The following SWAP70 variants were observed in gnomAD, a reference collection of about 807,000 sequenced individuals.
SWAP70 encodes the protein switching B cell complex subunit SWAP70.
A neutral mutation model predicts 80.2 loss-of-function variants in SWAP70; 34 were observed. The ratio of observed to expected loss-of-function variants is 0.42; its 90% CI spans 0.32 to 0.56. The LOEUF (loss-of-function observed/expected upper bound fraction) is 0.56, where lower values mean the gene tolerates loss of function less well. Ranked by LOEUF, SWAP70 falls within the 20% of genes least tolerant of loss-of-function variation. The probability of loss-of-function intolerance (pLI) is 0.09; values close to 1 mark genes in which losing one functional copy is unlikely to be tolerated. For synonymous variants in SWAP70, 239 were observed against 238.5 expected (o/e 1.00, Z -0.02); for missense variants, 578 against 690.7 (o/e 0.84, Z 1.83).
At chr11:9,690,585 CA>C (rs888634505) in intron 1 of SWAP70, among the ~76,000 whole-genome samples, 1 of 151,808 alleles carries the variant, frequency 6.6e-6, no homozygotes, top group Non-Finnish European at 1.5e-5. Context: ...AAAAAACAAA[CA>C]AACAAAAAAC....
intron 1 of SWAP70, among the ~76,000 whole-genome samples, chr11:9,673,375 A>G (rs983971196): frequency 9.2e-5 from 14 of 152,178 alleles, no homozygotes; most frequent in African/African-American, 3.1e-4. Flanking sequence ...AGGAACTTCT[A>G]TCCTCATGGA....
chr11:9,676,173 A>G (rs911653039), intron 1 of SWAP70, among the ~76,000 whole-genome samples: 5 of 152,176 alleles, frequency 3.3e-5, no homozygotes, highest in Admixed American at 1.3e-4. Flanking sequence ...ATAGTTTAAG[A>G]CTGTATTATC....
chr11:9,713,814 A>G (rs1251083576), intron 3 of SWAP70, among the ~76,000 whole-genome samples, 175 bp downstream of exon 3: 1 of 152,232 alleles, frequency 6.6e-6, no homozygotes, highest in Non-Finnish European at 1.5e-5. Context: ...AATTTGGGGC[A>G]TGTAATACCC....
chr11:9,690,323 T>C (rs957765851), intron 1 of SWAP70, among the ~76,000 whole-genome samples: 1 of 152,174 alleles, frequency 6.6e-6, no homozygotes. Context: ...CGTTCACGCC[T>C]CTAATCCCAG....
chr11:9,749,167 T>G lies in SWAP70; in HGVS notation c.1635T>G (p.Ile545Met). Reference sequence around the variant, plus strand: ...AAGTGGCCCATCATGAAGGATTAATTCGACTGATAGAACCAGGTAACAGAC... The same window carrying G: ...AAGTGGCCCATCATGAAGGATTAATGCGACTGATAGAACCAGGTAACAGAC... Reference protein sequence around the residue: ...KDKVAHHEGLIRLIEPGSKNP... With the variant: ...KDKVAHHEGLMRLIEPGSKNP... The change falls in exon 11 of 12, where the codon ATT becomes ATG. Residue 545 changes from isoleucine (I) to methionine (M), a missense_variant. Ile to Met is a conservative substitution (Grantham distance 10, BLOSUM62 1). Transcript: ENST00000318950. 13 of 1,609,328 alleles carry G rather than the reference T, an allele frequency of 8.1e-6. No homozygotes were observed. The highest frequency in any genetic ancestry group is 1.1e-5 in the Non-Finnish European group (13 of 1,176,846).
At chr11:9,731,945 ATGT>A (rs1221251358) in intron 6 of SWAP70, among the ~76,000 whole-genome samples, 1 of 152,238 alleles carries the variant, frequency 6.6e-6, no homozygotes, top group African/African-American at 2.4e-5. Flanking sequence ...GAAAAATCAG[ATGT>A]TGTATAACAG....
chr11:9,738,215 A>C lies in SWAP70; in HGVS notation c.1083A>C (p.Lys361Asn). Residue 361 changes from lysine to asparagine, a missense_variant and splice_region_variant, in exon 8 of 12, where the codon AAA becomes AAC. Lys to Asn is a moderately conservative substitution (Grantham distance 94). Transcript: ENST00000318950. ...KQQELEAVRK[K>N]LEEAASRAAE... is the part of the protein sequence containing the mutation. ...TGGATGGGTTTTTGATTGGCTAGAA[A>C]CTGGAGGAAGCAGCATCTCGTGCAG... The C allele has an allele frequency of 6.2e-7, 1 of 1,605,330 alleles. No homozygotes were observed. Among genetic ancestry groups the C allele is most frequent in the Non-Finnish European group, 8.5e-7 (1 of 1,176,296 alleles).
chr11:9,708,187 T>G (rs1276164092), intron 2 of SWAP70, among the ~76,000 whole-genome samples: 4 of 152,208 alleles, frequency 2.6e-5, no homozygotes, highest in Admixed American at 6.5e-5. Context: ...CATATGGTAG[T>G]TCTATTTTTA....
intron 9 of SWAP70, chr11:9,740,700 G>A: frequency 3.1e-6 from 1 of 322,268 alleles, no homozygotes; most frequent in Non-Finnish European, 6.0e-6. Flanking sequence ...GACCAGAGAG[G>A]GCCATTGGTA....
chr11:9,672,627 A>G (rs1195435078), intron 1 of SWAP70, among the ~76,000 whole-genome samples: 1 of 145,630 alleles, frequency 6.9e-6, no homozygotes, highest in Admixed American at 7.2e-5. Flanking sequence ...ATCCACCTAC[A>G]AGTGTTAGGA....
intron 3 of SWAP70, 33 bp downstream of exon 3, chr11:9,713,672 C>T (rs752189563): frequency 1.9e-6 from 3 of 1,586,204 alleles, no homozygotes; most frequent in Admixed American, 1.8e-5. Context: ...TTTACTTGGT[C>T]ATTTTAGCAT....
chr11:9,716,208 G>A (rs56235379), intron 3 of SWAP70, among the ~76,000 whole-genome samples: 26,758 of 152,148 alleles, frequency 0.18, 3,035 homozygotes, highest in Non-Finnish European at 0.25. Context: ...GAGGAAGAGA[G>A]TGATAGGTGA....
intron 9 of SWAP70, 160 bp downstream of exon 9, chr11:9,740,507 A>T (rs938455661): frequency 2.7e-6 from 2 of 746,990 alleles, no homozygotes; most frequent in Admixed American, 4.3e-5. Flanking sequence ...TGGAGACTCG[A>T]CCGGCTGGAG....
At chr11:9,673,845 G>T (rs553982754) in intron 1 of SWAP70, among the ~76,000 whole-genome samples, 9 of 152,134 alleles carry the variant, frequency 5.9e-5, no homozygotes, top group African/African-American at 2.2e-4. Flanking sequence ...AAGGGCAGAA[G>T]GTCAGAGAGA....
intron 2 of SWAP70, among the ~76,000 whole-genome samples, chr11:9,710,753 C>T (rs1043062826): frequency 6.6e-6 from 1 of 150,658 alleles, no homozygotes; most frequent in Non-Finnish European, 1.5e-5. Context: ...GATCATGGCT[C>T]ACTGCAGCCT....
chr11:9,739,991 ACT>A (rs1341154377), intron 8 of SWAP70, among the ~76,000 whole-genome samples, 188 bp from the exon 9 acceptor site: 5 of 151,984 alleles, frequency 3.3e-5, no homozygotes, highest in African/African-American at 1.2e-4. Flanking sequence ...CTCTTCCCAG[ACT>A]CTTTCACTAT....
At position 9,694,770 on chromosome 11, in the gene SWAP70, G is replaced by A. The variant is rs911921902; in HGVS notation, c.240+484G>A. Among the ~76,000 whole-genome samples, 5 of 152,206 alleles carry A rather than the reference G, an allele frequency of 3.3e-5. No individual in the cohort carries two copies. The East Asian group carries it at 7.7e-4, about 24-fold the overall frequency. On this transcript the variant is annotated intron_variant, in intron 2 of 11. Transcript: ENST00000318950. ...AAACCACAATGAGATACCATCTCAC[G>A]CCAGTCAGAATGGTGATTATTAGAA... is the stretch of plus-strand genomic sequence containing the variant.
chr11:9,728,213 T>A lies in SWAP70; in HGVS notation c.789+14T>A. 6.3e-7 allele frequency: 1 copy of A among 1,582,482 alleles called. No homozygotes were observed. Among genetic ancestry groups the A allele is most frequent in the Non-Finnish European group, 8.6e-7 (1 of 1,168,660 alleles). ...TGCTGTGTAGAGGTGAGTCTACTCT[T>A]ACTTCTTTGCATGATTACCCCGTGC... On this transcript the variant is annotated intron_variant, in intron 5 of 11. Coordinates refer to ENST00000318950, the MANE Select transcript of SWAP70 (RefSeq NM_015055.4).
In SWAP70 at chr11:9,750,213, C is replaced by T. The variant is rs998038290; in HGVS notation, c.*243C>T. On this transcript the variant is annotated 3_prime_UTR_variant, in exon 12 of 12. Transcript: ENST00000318950. ...AAAATTAGCTGAGCGTGGTGGCGGG[C>T]GCCTGTAATCCCAGCTACTTGGGAG... is the stretch of plus-strand genomic sequence containing the variant. The T allele has an allele frequency of 1.9e-5, 5 of 258,202 alleles. No homozygotes were observed. The highest frequency in any genetic ancestry group is 3.9e-5 in the Non-Finnish European group (5 of 128,752). The allele number at this position is 258,202 out of a possible 1,614,324, so 16.0% of individuals were successfully genotyped here.
Sources: allele counts gnomAD v4.1 joint callset (sites outside exome capture counted in the v4.1 genomes callset), GRCh38; gene constraint gnomAD v4.1.1; transcripts MANE v1.5; gene names NCBI Gene and HGNC (gene_info 2026-07-23, HGNC 2026-07-21).